NTN1: variants seen among roughly 807,000 people sequenced by gnomAD.
NTN1 encodes netrin 1.
NTN1 carries 11 observed loss-of-function variants against 54.2 expected under a neutral mutation model. The ratio of observed to expected loss-of-function variants is 0.20; its 90% confidence interval spans 0.13 to 0.34. The LOEUF is 0.34. Ranked by LOEUF, NTN1 falls within the 10% of genes least tolerant of loss-of-function variation. The probability of loss-of-function intolerance (pLI) is 1.00; values close to 1 mark genes in which losing one functional copy is unlikely to be tolerated. For missense variants in NTN1, 740 were observed against 893.1 expected (o/e 0.83, Z 2.18); for synonymous variants, 371 against 382.0 (o/e 0.97, Z 0.33).
intron 2 of NTN1, among the ~76,000 whole-genome samples, chr17:9,030,136 A>T (rs748058520): frequency 9.9e-5 from 15 of 152,180 alleles, no homozygotes; most frequent in Non-Finnish European, 1.8e-4. Context: ...CATGTGATTG[A>T]TGAGATACAG....
At chr17:9,126,493 A>C (rs559381511) in intron 2 of NTN1, among the ~76,000 whole-genome samples, 1 of 152,268 alleles carries the variant, frequency 6.6e-6, no homozygotes, top group Non-Finnish European at 1.5e-5. Context: ...CCTGGGTGAC[A>C]AGAGCGAAAC....
intron 5 of NTN1, among the ~76,000 whole-genome samples, chr17:9,215,653 T>C (rs1181058476): frequency 2.0e-5 from 3 of 152,258 alleles, no homozygotes; most frequent in African/African-American, 7.2e-5. Context: ...TATAAAAATC[T>C]TAGGTCACAA....
rs190980120 is a variant in NTN1, at chr17:9,142,093, C to T, written c.1019-20720C>T. Among the ~76,000 whole-genome samples the T allele has an allele frequency of 3.5e-4, 53 of 152,134 alleles. No homozygotes were observed. In the East Asian group the frequency reaches 9.9e-3, roughly 28 times the overall value. ...AGTGAGCCGAGATCGTGCCACTGCACTCCAGGCTGGGCGACAGAGCGAGAC... is the reference window on the plus strand; with the variant it reads ...AGTGAGCCGAGATCGTGCCACTGCATTCCAGGCTGGGCGACAGAGCGAGAC... On this transcript the variant is annotated intron_variant, in intron 2 of 6. Coordinates refer to ENST00000173229, the MANE Select transcript of NTN1 (RefSeq NM_004822.3).
intron 2 of NTN1, among the ~76,000 whole-genome samples, chr17:9,051,403 G>A (rs1012906268): frequency 7.9e-5 from 12 of 152,152 alleles, no homozygotes; most frequent in African/African-American, 2.9e-4. Flanking sequence ...AGGTAAATAA[G>A]AGCCAGTGCT....
intron 2 of NTN1, among the ~76,000 whole-genome samples, chr17:9,121,912 A>G (rs946465199): frequency 6.6e-6 from 1 of 152,052 alleles, no homozygotes; most frequent in Non-Finnish European, 1.5e-5. Flanking sequence ...ACCTCCCCCA[A>G]TACCCTCCAA....
At chr17:9,210,444 CCACACACACACACA>C (rs71135952) in intron 5 of NTN1, among the ~76,000 whole-genome samples, 1 of 100,898 alleles carries the variant, frequency 9.9e-6, no homozygotes, top group African/African-American at 4.0e-5. Context: ...ACCCCCACAC[CCACACACACACACA>C]CACACACACT....
At chr17:9,032,140 G>A (rs1486728684) in intron 2 of NTN1, among the ~76,000 whole-genome samples, 2 of 152,142 alleles carry the variant, frequency 1.3e-5, no homozygotes, top group Admixed American at 6.5e-5. Flanking sequence ...CTGAGTGTCC[G>A]GGGTGCAGGG....
intron 2 of NTN1, among the ~76,000 whole-genome samples, chr17:9,125,998 G>C (rs2092245935): frequency 6.6e-6 from 1 of 152,252 alleles, no homozygotes; most frequent in African/African-American, 2.4e-5. Context: ...GTCAAAGGTT[G>C]TCTAGCTGAC....
chr17:9,016,053 G>A, the NTN1 span, among the ~76,000 whole-genome samples: 659 of 151,442 alleles, frequency 4.4e-3, 6 homozygotes, highest in African/African-American at 0.015. Context: ...CAGCCTGGGC[G>A]ACAAGAGCAA....
At position 9,227,787 on chromosome 17, in the gene NTN1, CAT is replaced by C. The variant is rs559605315; in HGVS notation, c.1486+6548_1486+6549del. Among the ~76,000 whole-genome samples the C allele has an allele frequency of 5.9e-3, 896 of 151,488 alleles. 9 individuals carry two copies. Among genetic ancestry groups the C allele is most frequent in the South Asian group, 9.0e-3 (43 of 4,768 alleles). On this transcript the variant is annotated intron_variant, in intron 6 of 6. Transcript: ENST00000173229. The stretch of plus-strand genomic sequence containing the variant: ...ATCATACAGGCACACATACCACACA[CAT>C]ATCACACACATTCACACACTATCCC...
At chr17:9,085,312 C>T (rs1012805705) in intron 2 of NTN1, among the ~76,000 whole-genome samples, 3 of 152,218 alleles carry the variant, frequency 2.0e-5, no homozygotes, top group African/African-American at 4.8e-5. Context: ...TCCTCCAGCA[C>T]CCTGTCTTCA....
At chr17:9,077,274 G>A (rs1373923536) in intron 2 of NTN1, among the ~76,000 whole-genome samples, 1 of 152,214 alleles carries the variant, frequency 6.6e-6, no homozygotes, top group Non-Finnish European at 1.5e-5. Flanking sequence ...TTTTGGCCAG[G>A]AAGAGGAACA....
chr17:9,201,105 G>A (rs1351191411), intron 5 of NTN1, among the ~76,000 whole-genome samples: 1 of 152,194 alleles, frequency 6.6e-6, no homozygotes, highest in Non-Finnish European at 1.5e-5. Flanking sequence ...AAAAACTCTA[G>A]AAAGTTCATC....
intron 2 of NTN1, among the ~76,000 whole-genome samples, chr17:9,075,447 A>G (rs529162227): frequency 3.3e-5 from 5 of 152,170 alleles, no homozygotes; most frequent in South Asian, 2.1e-4. Context: ...ACGCCACTGC[A>G]CTCCAGCTGG....
At chr17:9,060,383 A>T in intron 2 of NTN1, among the ~76,000 whole-genome samples, 1 of 152,230 alleles carries the variant, frequency 6.6e-6, no homozygotes, top group East Asian at 1.9e-4. Context: ...ATGTATTATT[A>T]ACTGTTTATG....
Position 9,239,575 on chromosome 17 carries a change from C to A in NTN1, c.1487-65C>A. 6.6e-7 allele frequency: 1 copy of A among 1,521,436 alleles called. No individual in the cohort carries two copies. 94.2% of individuals were successfully genotyped at this position (1,521,436 alleles called of 1,614,324 possible). ...GGGTCTCCTTTCCCTTCTCCCCAGG[C>A]TCAGGCAGGGCGGACCTAGCCACAG... On this transcript the variant is annotated intron_variant, in intron 6 of 6. Coordinates refer to ENST00000173229, the MANE Select transcript of NTN1 (RefSeq NM_004822.3). This position sits in a 1 kb window ranked among gnomAD's most constrained non-coding sequence, Gnocchi z 5.2.
At chr17:9,149,226 C>T (rs2092321134) in intron 2 of NTN1, among the ~76,000 whole-genome samples, 1 of 150,666 alleles carries the variant, frequency 6.6e-6, no homozygotes, top group Non-Finnish European at 1.5e-5. Flanking sequence ...GTATGCACCA[C>T]CTCTAGGGAA....
chr17:9,020,484 A>G (rs2091842440), upstream of NTN1, among the ~76,000 whole-genome samples: 1 of 152,186 alleles, frequency 6.6e-6, no homozygotes, highest in African/African-American at 2.4e-5. Flanking sequence ...AAGGTTATGC[A>G]TTTGACGAAT....
At chr17:9,201,068 A>C (rs1420921207) in intron 5 of NTN1, among the ~76,000 whole-genome samples, 10 of 152,206 alleles carry the variant, frequency 6.6e-5, no homozygotes, top group Non-Finnish European at 1.5e-5. Flanking sequence ...AACTAGTGGC[A>C]TAGCTGGAAA....
Sources: gnomAD v4.1 joint callset for allele counts (sites outside exome capture counted in the v4.1 genomes callset) on GRCh38, gnomAD v4.1.1 for gene constraint, Gnocchi (gnomAD v3.1) non-coding constraint, MANE v1.5 for transcripts, NCBI Gene and HGNC (gene_info 2026-07-23, HGNC 2026-07-21) for gene names.